STRN4: variants seen among roughly 807,000 people sequenced by gnomAD.
STRN4 encodes the protein striatin 4, also known as striatin-4.
A neutral mutation model predicts 77.9 loss-of-function variants in STRN4; 27 were observed. That is an observed-to-expected ratio of 0.35 (90% CI 0.26 to 0.48). The LOEUF is 0.48. STRN4 is among the 20% of genes least tolerant of loss of function. The pLI is 0.99. For synonymous variants in STRN4, 466 were observed against 443.1 expected (o/e 1.05, Z -0.65); for missense variants, 798 against 1,049.7 (o/e 0.76, Z 3.31).
Position 46,727,908 on chromosome 19 carries a change from G to T in STRN4, c.1139C>A (p.Pro380His), listed in dbSNP as rs147840209. 1.7e-5 allele frequency: 28 copies of T among 1,609,926 alleles called. No homozygotes were observed. The highest frequency in any genetic ancestry group is 1.6e-4 in the African/African-American group (12 of 74,926). Residue 380 changes from proline (P) to histidine (H), a missense_variant, in exon 8 of 18, where the codon CCC becomes CAC. By Grantham distance (77) the Pro-to-His change is moderately conservative. This residue lies in a region of STRN4 where 511 missense variants were observed against 575.9 expected (regional missense o/e 0.89). Coordinates refer to ENST00000263280, the MANE Select transcript of STRN4 (RefSeq NM_013403.3). ...GTGCCTCTTACCTTCATGTGGCCGG[G>T]GCTGGGGTGTGCCAGGAGGCGGGCC... The part of the protein sequence containing the change: ...VTGPPPGTPQ[P>H]RPHEDVFIMD...
At chr19:46,740,662 T>C (rs1214660849) in intron 1 of STRN4, among the ~76,000 whole-genome samples, 2 of 152,030 alleles carry the variant, frequency 1.3e-5, no homozygotes, top group Non-Finnish European at 2.9e-5. Context: ...ACCTACACCT[T>C]GGTCAATACC....
At chr19:46,746,112 C>CCGGGT (rs1568410189) in intron 1 of STRN4, 37 bp downstream of exon 1, 7 of 1,406,368 alleles carry the variant, frequency 5.0e-6, no homozygotes, top group Admixed American at 2.7e-5. Context: ...CCGGGCCGGG[C>CCGGGT]CGGGTTGGGG....
In STRN4 at chr19:46,723,522, A is replaced by T. The variant is rs1036236917; in HGVS notation, c.1595-238T>A. Among the ~76,000 whole-genome samples, 4 of 152,154 alleles carry T rather than the reference A, an allele frequency of 2.6e-5. No homozygotes were observed. The highest frequency in any genetic ancestry group is 9.7e-5 in the African/African-American group (4 of 41,434). ...CTCCAGAAGGCAGGGATTTCCCTCT[A>T]TTCACAGCTGTCTCCCCAAGCAGGG... On this transcript the variant is annotated intron_variant, in intron 12 of 17. Coordinates refer to ENST00000263280, the MANE Select transcript of STRN4 (RefSeq NM_013403.3). The surrounding 1 kb of genome is among the most constrained non-coding windows in gnomAD (Gnocchi z 5.5).
rs73058691 is a variant in STRN4, at chr19:46,737,437, G to C, written c.461-536C>G. Reference sequence around the variant, plus strand: ...AAAGACCTGCCCTTGTGGAACTTCCGTTCTAGTGAGAGGAGCTGGCAGCAG... The same window carrying C: ...AAAGACCTGCCCTTGTGGAACTTCCCTTCTAGTGAGAGGAGCTGGCAGCAG... On this transcript the variant is annotated intron_variant, in intron 3 of 17. Coordinates refer to ENST00000263280, the MANE Select transcript of STRN4 (RefSeq NM_013403.3). 7.0e-3 allele frequency among the ~76,000 whole-genome samples: 1,067 copies of C among 152,306 alleles called. 5 individuals carry two copies. Among genetic ancestry groups the C allele is most frequent in the Non-Finnish European group, 8.1e-3 (553 of 68,036 alleles).
chr19:46,729,727 G>A (rs1361863198), intron 6 of STRN4, among the ~76,000 whole-genome samples: 7 of 152,190 alleles, frequency 4.6e-5, no homozygotes, highest in Non-Finnish European at 8.8e-5. Flanking sequence ...TGCCACCAGC[G>A]CCACTAACAC....
chr19:46,741,590 G>A lies in STRN4; in HGVS notation c.283-2702C>T, dbSNP rs918560608. 5.3e-5 allele frequency among the ~76,000 whole-genome samples: 8 copies of A among 152,276 alleles called. No individual in the cohort carries two copies. The highest frequency in any genetic ancestry group is 1.2e-4 in the African/African-American group (5 of 41,564). Reference sequence around the variant, plus strand: ...GCCAAGGTAGGCCTGAGGGTCGGTCGGGGATCTGGAAGTGCCGCTCACCAT... The same window carrying A: ...GCCAAGGTAGGCCTGAGGGTCGGTCAGGGATCTGGAAGTGCCGCTCACCAT... On this transcript the variant is annotated intron_variant, in intron 1 of 17. Transcript: ENST00000263280. The surrounding 1 kb of genome is among the most constrained non-coding windows in gnomAD (Gnocchi z 4.9).
chr19:46,735,402 G>A (rs35203119), intron 4 of STRN4, among the ~76,000 whole-genome samples: 50,176 of 152,012 alleles, frequency 0.33, 8,374 homozygotes, highest in South Asian at 0.41. Flanking sequence ...GGAGGCTGAG[G>A]CAGGAGATCA....
At chr19:46,737,036 G>A in intron 3 of STRN4, 135 bp from the exon 4 acceptor site, 1 of 721,586 alleles carries the variant, frequency 1.4e-6, no homozygotes, top group South Asian at 1.9e-5. Flanking sequence ...CTGAGTGTTG[G>A]AACCCTGCTC....
intron 4 of STRN4, among the ~76,000 whole-genome samples, chr19:46,734,775 C>G (rs1206343579): frequency 6.6e-6 from 1 of 152,148 alleles, no homozygotes; most frequent in Non-Finnish European, 1.5e-5. Flanking sequence ...CGCCATTCTC[C>G]TGCCTCAGCC....
At chr19:46,734,901 T>C (rs2054327973) in intron 4 of STRN4, among the ~76,000 whole-genome samples, 1 of 152,166 alleles carries the variant, frequency 6.6e-6, no homozygotes, top group Admixed American at 6.5e-5. Context: ...CCTGACCTTG[T>C]GATCTGCCCG....
chr19:46,722,920 G>T lies in STRN4; in HGVS notation c.1796C>A (p.Thr599Asn), dbSNP rs375959219. Residue 599 changes from threonine (T) to asparagine (N), a missense_variant, in exon 14 of 18, where the codon ACC becomes AAC. Coordinates refer to ENST00000263280, the MANE Select transcript of STRN4 (RefSeq NM_013403.3). The stretch of plus-strand genomic sequence containing the variant: ...CACGATGTGGGCAGGCTCGGTGCTG[G>T]TGAAGGCCACTGAGGTGGGGACCCC... Reference protein sequence around the residue: ...EHGVPTSVAFTSTEPAHIVAS... With the variant: ...EHGVPTSVAFNSTEPAHIVAS... The T allele has an allele frequency of 1.2e-6, 2 of 1,613,858 alleles. No individual in the cohort carries two copies. Among genetic ancestry groups the T allele is most frequent in the African/African-American group, 2.7e-5 (2 of 74,956 alleles).
At position 46,720,629 on chromosome 19, in the gene STRN4, A is replaced by G; in HGVS notation, c.2235T>C (p.Ala745=). ...PSKALIASAG[A]DALAKVFV Reference sequence around the variant, plus strand: ...ATACGAAGACCTTGGCCAGGGCATCAGCGCCAGCACTGGCAATGAGGGCCT... The same window carrying G: ...ATACGAAGACCTTGGCCAGGGCATCGGCGCCAGCACTGGCAATGAGGGCCT... Residue 745 remains alanine (A), a synonymous_variant, in exon 17 of 18, where the codon GCT becomes GCC. Coordinates refer to ENST00000263280, the MANE Select transcript of STRN4 (RefSeq NM_013403.3). The G allele has an allele frequency of 1.9e-6, 3 of 1,600,078 alleles. No homozygotes were observed. Among genetic ancestry groups the G allele is most frequent in the South Asian group, 1.1e-5 (1 of 88,866 alleles).
At chr19:46,742,128 CACAA>C (rs1018203382) in intron 1 of STRN4, among the ~76,000 whole-genome samples, 7 of 152,318 alleles carry the variant, frequency 4.6e-5, no homozygotes, top group African/African-American at 1.7e-4. Flanking sequence ...CGGTCCCCTG[CACAA>C]ACAAGCTTCC....
chr19:46,733,380 C>G lies in STRN4; in HGVS notation c.540-144G>C. On this transcript the variant is annotated intron_variant, in intron 4 of 17. Coordinates refer to ENST00000263280, the MANE Select transcript of STRN4 (RefSeq NM_013403.3). This position sits in a 1 kb window ranked among gnomAD's most constrained non-coding sequence, Gnocchi z 4.3. ...TGACATAAGCACACCCTCGCTCCAGCAGTTCCCCGTCAAGGCTATTTCCAG... is the reference window on the plus strand; with the variant it reads ...TGACATAAGCACACCCTCGCTCCAGGAGTTCCCCGTCAAGGCTATTTCCAG... The G allele has an allele frequency of 2.8e-6, 2 of 711,392 alleles. No individual in the cohort carries two copies. Among genetic ancestry groups the G allele is most frequent in the Non-Finnish European group, 4.7e-6 (2 of 426,708 alleles). 44.1% of individuals were successfully genotyped at this position (711,392 alleles called of 1,614,324 possible).
At chr19:46,724,200 A>AG (rs1479668147) in intron 12 of STRN4, among the ~76,000 whole-genome samples, 10 of 145,146 alleles carry the variant, frequency 6.9e-5, no homozygotes, top group African/African-American at 2.6e-4. Flanking sequence ...GTAAGCCAAG[A>AG]TCACGCCACT....
intron 14 of STRN4, 49 bp downstream of exon 14, chr19:46,722,761 C>G: frequency 6.2e-7 from 1 of 1,605,516 alleles, no homozygotes; most frequent in African/African-American, 1.3e-5. Context: ...GGAAGTGGGG[C>G]CCAGAAGACA....
chr19:46,745,652 A>G (rs2054573291), intron 1 of STRN4: 1 of 152,688 alleles, frequency 6.5e-6, no homozygotes, highest in African/African-American at 2.4e-5. Flanking sequence ...GGCTAGGGCC[A>G]TGGTCGGGGT....
chr19:46,735,624 A>G (rs2054343425), intron 4 of STRN4, among the ~76,000 whole-genome samples: 1 of 152,134 alleles, frequency 6.6e-6, no homozygotes, highest in Admixed American at 6.5e-5. Flanking sequence ...GCTCTCCTAT[A>G]TTTTCTAAGT....
Position 46,723,125 on chromosome 19 carries a change from G to A in STRN4, c.1754C>T (p.Pro585Leu). The change falls in exon 13 of 18, where the codon CCC becomes CTC. Residue 585 changes from proline (P) to leucine (L), a missense_variant. Around this residue, in one of 2 missense-constraint regions of STRN4, gnomAD observed 287 missense variants for 473.8 expected, o/e 0.61. Transcript: ENST00000263280. The surrounding 1 kb of genome is among the most constrained non-coding windows in gnomAD (Gnocchi z 5.5). ...SSSPACLCTF[P>L]TASEHGVPTS... ...GGGCCCCCACTCACCGCTGGCTGTG[G>A]GGAAGGTGCAGAGGCAGGCCGGGCT... 6.4e-7 allele frequency: 1 copy of A among 1,566,846 alleles called. No homozygotes were observed. The highest frequency in any genetic ancestry group is 2.4e-5 in the East Asian group (1 of 41,850).
Sources: allele counts gnomAD v4.1 joint callset (sites outside exome capture counted in the v4.1 genomes callset), GRCh38; gene constraint gnomAD v4.1.1; regional missense constraint gnomAD v4.1.1; non-coding constraint Gnocchi (gnomAD v3.1); transcripts MANE v1.5; gene names NCBI Gene and HGNC (gene_info 2026-07-23, HGNC 2026-07-21).